SMG7: variants seen among roughly 807,000 people sequenced by gnomAD.
The protein encoded by SMG7 is nonsense-mediated mRNA decay factor SMG7.
In SMG7, 34 loss-of-function variants were observed where a neutral mutation model predicts 148.2. The ratio of observed to expected loss-of-function variants is 0.23; its 90% CI spans 0.17 to 0.31. SMG7 has a LOEUF of 0.31. SMG7 is among the 10% of genes least tolerant of loss of function. The probability of loss-of-function intolerance (pLI) is 1.00; values close to 1 mark genes in which losing one functional copy is unlikely to be tolerated. For synonymous variants in SMG7, 492 were observed against 515.1 expected, an observed-to-expected ratio of 0.96 and a Z score of 0.61; for missense variants, 1,114 against 1,408.4, an observed-to-expected ratio of 0.79 and a Z score of 3.35.
chr1:183,521,663 T>G (rs1664791911), intron 4 of SMG7, among the ~76,000 whole-genome samples: 1 of 152,000 alleles, frequency 6.6e-6, no homozygotes, highest in African/African-American at 2.4e-5. Context: ...GAGGATCACT[T>G]GAGACCAGCC....
Position 183,551,033 on chromosome 1 carries a change from T to C in SMG7, c.3305-12T>C, listed in dbSNP as rs1670954805. On this transcript the variant is annotated splice_polypyrimidine_tract_variant and intron_variant, in intron 21 of 22. Coordinates refer to ENST00000688051, the MANE Select transcript of SMG7 (RefSeq NM_001375584.1). ...TCTTCTTGAATTTTTCTTATCTCTTTTCATCCCTTAGCCATGGGTGGGTTT... is the reference window on the plus strand; with the variant it reads ...TCTTCTTGAATTTTTCTTATCTCTTCTCATCCCTTAGCCATGGGTGGGTTT... The C allele has an allele frequency of 6.2e-7, 1 of 1,614,088 alleles. No individual in the cohort carries two copies.
At chr1:183,550,694 C>G (rs951703568) in intron 20 of SMG7, 57 bp from the exon 21 acceptor site, 2 of 1,548,850 alleles carry the variant, frequency 1.3e-6, no homozygotes, top group South Asian at 1.1e-5. Flanking sequence ...ACCTGTAGTT[C>G]TTTGTATGTT....
At chr1:183,543,701 G>T (rs1364304683) in intron 14 of SMG7, among the ~76,000 whole-genome samples, 2 of 152,174 alleles carry the variant, frequency 1.3e-5, no homozygotes, top group East Asian at 3.9e-4. Context: ...TCTGTACCTC[G>T]TCCTGGGTTT....
At chr1:183,518,235 A>C (rs1453799967) in intron 4 of SMG7, among the ~76,000 whole-genome samples, 1 of 152,182 alleles carries the variant, frequency 6.6e-6, no homozygotes, top group East Asian at 1.9e-4. Flanking sequence ...TACCTGAGCC[A>C]CTGTGCCCAG....
chr1:183,483,320 T>C (rs1416494931), intron 1 of SMG7, among the ~76,000 whole-genome samples: 1 of 152,168 alleles, frequency 6.6e-6, no homozygotes, highest in Non-Finnish European at 1.5e-5. Context: ...TAATACTGCC[T>C]CTTAGAAAGG....
chr1:183,474,547 A>G (rs1460956358), intron 1 of SMG7, among the ~76,000 whole-genome samples: 3 of 152,236 alleles, frequency 2.0e-5, no homozygotes, highest in African/African-American at 7.2e-5. Flanking sequence ...CTGGGCAACA[A>G]GAGTGAAACT....
chr1:183,514,199 T>A (rs1384383373), intron 2 of SMG7, among the ~76,000 whole-genome samples: 1 of 146,504 alleles, frequency 6.8e-6, no homozygotes, highest in Non-Finnish European at 1.5e-5. Flanking sequence ...AATAATTTAG[T>A]TCTGCAGTGA....
chr1:183,499,120 G>C lies in SMG7; in HGVS notation c.30-13717G>C, dbSNP rs148327444. On this transcript the variant is annotated intron_variant, in intron 1 of 22. Transcript: ENST00000688051. ...AAATAATAATCTGTTGTCTGGATGT[G>C]CCATAGATTATTTATCCTTTCCCCT... is the stretch of plus-strand genomic sequence containing the variant. 8.7e-4 allele frequency among the ~76,000 whole-genome samples: 133 copies of C among 152,282 alleles called. 2 individuals carry two copies. In the East Asian group the frequency reaches 0.018, roughly 21 times the overall value.
chr1:183,527,080 A>G lies in SMG7; in HGVS notation c.484+313A>G, dbSNP rs1452046909. Among the ~76,000 whole-genome samples, 1 of 152,234 alleles carries G rather than the reference A, an allele frequency of 6.6e-6. No individual in the cohort carries two copies. The highest frequency in any genetic ancestry group is 2.4e-5 in the African/African-American group (1 of 41,468). ...TTCAAAGTGGTGCCATAATTTCTAA[A>G]TTAAATGTACTCTTCTGGAATAAAT... On this transcript the variant is annotated intron_variant, in intron 5 of 22. Coordinates refer to ENST00000688051, the MANE Select transcript of SMG7 (RefSeq NM_001375584.1). The surrounding 1 kb of genome is among the most constrained non-coding windows in gnomAD (Gnocchi z 4.0).
At chr1:183,513,060 G>A (rs41272538) in intron 2 of SMG7, 192 bp downstream of exon 2, 16,237 of 528,200 alleles carry the variant, frequency 0.031, 353 homozygotes, top group Non-Finnish European at 0.038. Context: ...GTTGGGAATT[G>A]CATGTAATAC....
At chr1:183,477,101 A>G (rs916281401) in intron 1 of SMG7, among the ~76,000 whole-genome samples, 1 of 152,192 alleles carries the variant, frequency 6.6e-6, no homozygotes, top group African/African-American at 2.4e-5. Context: ...GAAGACATCA[A>G]AGTTGTTTTG....
chr1:183,527,927 T>G lies in SMG7; in HGVS notation c.485-29T>G, dbSNP rs746958077. The stretch of plus-strand genomic sequence containing the variant: ...ACTACCCTACTGTTTGTTTTTTGGG[T>G]TTTTTAAAACTAATTTTCTTCTTCT... On this transcript the variant is annotated intron_variant, in intron 5 of 22. Transcript: ENST00000688051. The surrounding 1 kb of genome is among the most constrained non-coding windows in gnomAD (Gnocchi z 4.0). 11 of 1,597,010 alleles carry G rather than the reference T, an allele frequency of 6.9e-6. No individual in the cohort carries two copies. The African/African-American group carries it at 1.2e-4, about 18-fold the overall frequency.
At chr1:183,487,033 G>A (rs1034255280) in intron 1 of SMG7, among the ~76,000 whole-genome samples, 85 of 152,158 alleles carry the variant, frequency 5.6e-4, no homozygotes, top group African/African-American at 1.9e-3. Context: ...CACTTAAGCG[G>A]TGAAAGGGCT....
chr1:183,551,475 T>G (rs1397423810), intron 22 of SMG7, among the ~76,000 whole-genome samples: 1 of 152,230 alleles, frequency 6.6e-6, no homozygotes, highest in Non-Finnish European at 1.5e-5. Context: ...AATGTTTGAT[T>G]TAAGCCTTTT....
intron 4 of SMG7, among the ~76,000 whole-genome samples, chr1:183,521,432 A>G (rs566026097): frequency 1.3e-5 from 2 of 152,328 alleles, no homozygotes; most frequent in Admixed American, 1.3e-4. Context: ...TTTAATCAAT[A>G]ATTGAAACGG....
At chr1:183,520,188 G>A (rs1185436162) in intron 4 of SMG7, among the ~76,000 whole-genome samples, 2 of 151,922 alleles carry the variant, frequency 1.3e-5, no homozygotes, top group African/African-American at 4.8e-5. Flanking sequence ...TTAAATTATG[G>A]CATAACTGTA....
intron 1 of SMG7, among the ~76,000 whole-genome samples, chr1:183,490,641 C>G (rs571560881): frequency 1.3e-5 from 2 of 152,184 alleles, no homozygotes; most frequent in African/African-American, 4.8e-5. Flanking sequence ...ACAGATAATG[C>G]ATTTTAAACA....
At chr1:183,484,958 A>G (rs1655074607) in intron 1 of SMG7, among the ~76,000 whole-genome samples, 1 of 152,146 alleles carries the variant, frequency 6.6e-6, no homozygotes, top group African/African-American at 2.4e-5. Context: ...GCTTGTATAG[A>G]CTAGCAATAA....
Position 183,538,434 on chromosome 1 carries a change from C to A in SMG7, c.1289C>A (p.Ser430Tyr). Reference sequence around the variant, plus strand: ...CAAGGATTTTTGGCATTGAGACCTTCTTTCAGGTAGGTGATAGCTGAAGTA... The same window carrying A: ...CAAGGATTTTTGGCATTGAGACCTTATTTCAGGTAGGTGATAGCTGAAGTA... Reference protein sequence around the residue: ...ELQGFLALRPSFRNLDFSKGH... With the variant: ...ELQGFLALRPYFRNLDFSKGH... The change falls in exon 12 of 23, where the codon TCT becomes TAT. Residue 430 changes from serine to tyrosine, a missense_variant. Around this residue, in one of 4 missense-constraint regions of SMG7, gnomAD observed 102 missense variants for 147.2 expected, o/e 0.69. Coordinates refer to ENST00000688051, the MANE Select transcript of SMG7 (RefSeq NM_001375584.1). The A allele has an allele frequency of 6.2e-7, 1 of 1,606,686 alleles. No homozygotes were observed. Among genetic ancestry groups the A allele is most frequent in the Non-Finnish European group, 8.5e-7 (1 of 1,173,254 alleles).
Sources: allele counts gnomAD v4.1 joint callset (sites outside exome capture counted in the v4.1 genomes callset), GRCh38; gene constraint gnomAD v4.1.1; regional missense constraint gnomAD v4.1.1; non-coding constraint Gnocchi (gnomAD v3.1); transcripts MANE v1.5; gene names NCBI Gene and HGNC (gene_info 2026-07-23, HGNC 2026-07-21).